Variants in GRK5 observed in about 807,000 individuals in gnomAD.
GRK5 encodes g protein-coupled receptor kinase GRK5.
In GRK5, 40 loss-of-function variants were observed where a neutral mutation model predicts 78.4. The observed-to-expected ratio is 0.51, with a 90% CI of 0.40 to 0.66. GRK5 has a LOEUF of 0.66. GRK5 is among the 30% of genes least tolerant of loss of function. GRK5 has a pLI of 0.00. For missense variants in GRK5, 598 were observed against 759.9 expected (o/e 0.79, Z 2.50); for synonymous variants, 289 against 296.8 (o/e 0.97, Z 0.27).
rs545749089 is a variant in GRK5 at position 119,412,849 on chromosome 10, C to T, written c.340-10317C>T. Among the ~76,000 whole-genome samples, 59 of 152,310 alleles carry T rather than the reference C, an allele frequency of 3.9e-4. No individual in the cohort carries two copies. The highest frequency in any genetic ancestry group is 6.6e-4 in the Non-Finnish European group (45 of 68,032). ...GGAACAGCCCCCATTCGCCCCACCA[C>T]CCTCTGCTTTCCCCACCCCAGACCC... is the stretch of plus-strand genomic sequence containing the variant. On this transcript the variant is annotated intron_variant, in intron 4 of 15. Transcript: ENST00000392870. This position sits in a 1 kb window ranked among gnomAD's most constrained non-coding sequence, Gnocchi z 4.3.
chr10:119,450,906 G>T (rs1411324837), intron 13 of GRK5, among the ~76,000 whole-genome samples: 1 of 151,954 alleles, frequency 6.6e-6, no homozygotes, highest in Non-Finnish European at 1.5e-5. Context: ...TGGGGACTTT[G>T]CCTTTTCCCC....
intron 1 of GRK5, among the ~76,000 whole-genome samples, chr10:119,295,212 A>T (rs1850060023): frequency 8.3e-6 from 1 of 119,940 alleles, no homozygotes; most frequent in Admixed American, 8.6e-5. Context: ...AAAAAAAAAA[A>T]AGTCAACCAG....
At chr10:119,418,212 C>T (rs1390742383) in intron 4 of GRK5, among the ~76,000 whole-genome samples, 1 of 152,160 alleles carries the variant, frequency 6.6e-6, no homozygotes, top group Non-Finnish European at 1.5e-5. Flanking sequence ...TCTTTTACCT[C>T]CAGGTGAAGG....
chr10:119,225,821 C>T (rs1164392680), intron 1 of GRK5, among the ~76,000 whole-genome samples: 5 of 150,562 alleles, frequency 3.3e-5, no homozygotes, highest in Non-Finnish European at 2.9e-5. Flanking sequence ...CAGGCATGCA[C>T]CACTGTGCCC....
intron 2 of GRK5, among the ~76,000 whole-genome samples, chr10:119,349,348 G>C (rs373441943): frequency 2.4e-4 from 36 of 152,352 alleles, no homozygotes; most frequent in African/African-American, 8.7e-4. Flanking sequence ...GCTGTGTCCA[G>C]CTCTGTGTCT....
intron 13 of GRK5, 83 bp downstream of exon 13, chr10:119,448,343 G>A (rs1403925923): frequency 4.9e-6 from 7 of 1,442,578 alleles, no homozygotes; most frequent in East Asian, 2.6e-5. Flanking sequence ...CAGTGAGCTG[G>A]TGCAGAGTGT....
intron 3 of GRK5, among the ~76,000 whole-genome samples, chr10:119,383,239 T>A (rs1851742135): frequency 1.3e-5 from 2 of 152,214 alleles, no homozygotes; most frequent in African/African-American, 4.8e-5. Flanking sequence ...TTATATTTCT[T>A]ATACGTTGCT....
chr10:119,216,243 C>T (rs1848572139), intron 1 of GRK5, among the ~76,000 whole-genome samples: 2 of 152,198 alleles, frequency 1.3e-5, no homozygotes, highest in Admixed American at 6.5e-5. Flanking sequence ...TTTCTAAGAA[C>T]TTGTAATCTG....
At position 119,315,060 on chromosome 10, in the gene GRK5, A is replaced by G. The variant is rs181137803; in HGVS notation, c.53-11456A>G. ...TCTCACTTATGGGGATCTTCAAGAA[A>G]ACTCTTGACAGAAGCGGCTCTGCGC... On this transcript the variant is annotated intron_variant, in intron 1 of 15. Transcript: ENST00000392870. Among the ~76,000 whole-genome samples, 4 of 152,168 alleles carry G rather than the reference A, an allele frequency of 2.6e-5. No homozygotes were observed. The East Asian group carries it at 5.8e-4, about 22-fold the overall frequency.
At chr10:119,414,677 G>T (rs568448799) in intron 4 of GRK5, among the ~76,000 whole-genome samples, 2 of 152,284 alleles carry the variant, frequency 1.3e-5, no homozygotes, top group Admixed American at 6.5e-5. Context: ...CTATTTCTGC[G>T]CCTGTGAAGT....
chr10:119,444,650 C>T (rs11198928), intron 12 of GRK5, among the ~76,000 whole-genome samples: 1 of 152,106 alleles, frequency 6.6e-6, no homozygotes, highest in Admixed American at 6.5e-5. Flanking sequence ...CAGGAGGGGC[C>T]GGAGCACCCA....
rs150474631 is a variant in GRK5, at chr10:119,452,206, C to T, written c.1405-465C>T. On this transcript the variant is annotated intron_variant, in intron 13 of 15. Coordinates refer to ENST00000392870, the MANE Select transcript of GRK5 (RefSeq NM_005308.3). The surrounding 1 kb of genome is among the most constrained non-coding windows in gnomAD (Gnocchi z 4.4). ...AGGTGCCTCGTTGTCCCCATTTTGC[C>T]GGTAAGGAAACAGGACATAGGCCTC... is the stretch of plus-strand genomic sequence containing the variant. Among the ~76,000 whole-genome samples, 74 of 152,354 alleles carry T rather than the reference C, an allele frequency of 4.9e-4. 3 individuals are homozygous for T. The East Asian group carries it at 0.013, about 27-fold the overall frequency.
chr10:119,331,615 G>A (rs146118488), intron 2 of GRK5, among the ~76,000 whole-genome samples: 2 of 152,362 alleles, frequency 1.3e-5, no homozygotes, highest in African/African-American at 4.8e-5. Flanking sequence ...CCTTTAGGGT[G>A]TGAGGTGGTG....
At chr10:119,284,510 A>C (rs76104804) in intron 1 of GRK5, among the ~76,000 whole-genome samples, 1 of 152,166 alleles carries the variant, frequency 6.6e-6, no homozygotes, top group African/African-American at 2.4e-5. Context: ...GATATTTTAC[A>C]TTCCTTTTTC....
At chr10:119,313,100 GGT>G (rs1564887123) in intron 1 of GRK5, among the ~76,000 whole-genome samples, 16 of 129,856 alleles carry the variant, frequency 1.2e-4, no homozygotes, top group Non-Finnish European at 2.0e-4. Flanking sequence ...TGGTGGTGAT[GGT>G]AATGATGGTA....
intron 3 of GRK5, among the ~76,000 whole-genome samples, chr10:119,389,033 A>G (rs1296277672): frequency 6.6e-6 from 1 of 152,222 alleles, no homozygotes; most frequent in Non-Finnish European, 1.5e-5. Context: ...TACTGGTGGC[A>G]CTGGTTAGCC....
chr10:119,242,644 C>A (rs1258980583), intron 1 of GRK5, among the ~76,000 whole-genome samples: 1 of 151,556 alleles, frequency 6.6e-6, no homozygotes, highest in Non-Finnish European at 1.5e-5. Context: ...AAGGGAGGGA[C>A]AAGTTGGAGG....
At chr10:119,255,636 C>T (rs1368140313) in intron 1 of GRK5, among the ~76,000 whole-genome samples, 5 of 152,230 alleles carry the variant, frequency 3.3e-5, no homozygotes, top group Admixed American at 3.3e-4. Context: ...GGTGGGACTT[C>T]AGCCTCACCA....
chr10:119,430,432 C>G lies in GRK5; in HGVS notation c.591C>G (p.Phe197Leu). 6.2e-7 allele frequency: 1 copy of G among 1,611,320 alleles called. No individual in the cohort carries two copies. Among genetic ancestry groups the G allele is most frequent in the Non-Finnish European group, 8.5e-7 (1 of 1,178,910 alleles). The change falls in exon 7 of 16, where the codon TTC becomes TTG. Residue 197 changes from phenylalanine (F) to leucine (L), a missense_variant. By Grantham distance (22) the Phe-to-Leu change is conservative. Transcript: ENST00000392870. The surrounding 1 kb of genome is among the most constrained non-coding windows in gnomAD (Gnocchi z 4.5). Reference protein sequence around the residue: ...RQYRVLGKGGFGEVCACQVRA... With the variant: ...RQYRVLGKGGLGEVCACQVRA... ...ATCGAGTGCTAGGAAAAGGGGGCTT[C>G]GGGGAGGTGAGTGAACATTCACGTT...
Sources: allele counts gnomAD v4.1 joint callset (sites outside exome capture counted in the v4.1 genomes callset), GRCh38; gene constraint gnomAD v4.1.1; non-coding constraint Gnocchi (gnomAD v3.1); transcripts MANE v1.5; gene names NCBI Gene and HGNC (gene_info 2026-07-23, HGNC 2026-07-21).